The following CD8A variants were observed in gnomAD, a reference collection of about 807,000 sequenced individuals.
The protein encoded by CD8A is T-cell surface glycoprotein CD8 alpha chain.
Under a neutral mutation model 24.2 loss-of-function variants are expected in CD8A, and 25 were observed. The ratio of observed to expected loss-of-function variants is 1.03; its 90% CI spans 0.75 to 1.44. The LOEUF (loss-of-function observed/expected upper bound fraction) is 1.44, where lower values mean the gene tolerates loss of function less well. Among genes scored for constraint, CD8A ranks in the 40% most tolerant of loss-of-function variants. The pLI, the probability that CD8A is intolerant of heterozygous loss-of-function variation, is 0.00. For missense variants in CD8A, 360 were observed against 319.7 expected, an observed-to-expected ratio of 1.13 and a Z score of -0.96; for synonymous variants, 165 against 149.9, an observed-to-expected ratio of 1.10 and a Z score of -0.74.
Position 86,789,623 on chromosome 2 carries a change from GC to G in CD8A, c.514+16del. 1.4e-6 allele frequency: 2 copies of G among 1,473,192 alleles called. No homozygotes were observed. The highest frequency in any genetic ancestry group is 1.8e-6 in the Non-Finnish European group (2 of 1,105,696). 91.3% of individuals were successfully genotyped at this position (1,473,192 alleles called of 1,614,324 possible). On this transcript the variant is annotated intron_variant, in intron 3 of 5. Transcript: ENST00000283635. ...GCGGTGCGTGCCGCCCCCGCCCCGG[GC>G]CCCCGCACGCCTCACCTGCGCCCCC... is the stretch of plus-strand genomic sequence containing the variant.
At chr2:86,802,644 C>T (rs993248477) in intron 2 of CD8A, among the ~76,000 whole-genome samples, 5 of 151,832 alleles carry the variant, frequency 3.3e-5, no homozygotes, top group African/African-American at 9.7e-5. Context: ...CTCACTCTGC[C>T]GCCCAGGCTG....
intron 3 of CD8A, among the ~76,000 whole-genome samples, chr2:86,796,326 A>G (rs528555282): frequency 1.4e-3 from 219 of 152,358 alleles, no homozygotes; most frequent in Non-Finnish European, 2.6e-3. Context: ...AATTTTTCAC[A>G]ATTAAAGACA....
upstream of CD8A, chr2:86,790,930 C>T: frequency 9.0e-7 from 1 of 1,110,506 alleles, no homozygotes; most frequent in Non-Finnish European, 1.3e-6. Context: ...TTCGGCCGGC[C>T]CGGAGCCTGA....
intron 3 of CD8A, among the ~76,000 whole-genome samples, chr2:86,800,187 C>T (rs1014985938): frequency 4.6e-5 from 7 of 151,866 alleles, no homozygotes; most frequent in South Asian, 4.2e-4. Context: ...TGGCCAGGTG[C>T]GGTGGCTCAT....
chr2:86,791,428 G>A (rs919595479), upstream of CD8A: 1 of 436,214 alleles, frequency 2.3e-6, no homozygotes, highest in Non-Finnish European at 4.6e-6. Flanking sequence ...CATGAGAGCG[G>A]CAGCAGCCGA....
At chr2:86,790,931 C>G (rs987124060), upstream of CD8A, 26 of 1,103,862 alleles carry the variant, frequency 2.4e-5, no homozygotes, top group Non-Finnish European at 2.7e-5. Flanking sequence ...TCGGCCGGCC[C>G]GGAGCCTGAT....
chr2:86,798,638 T>C (rs1673562467), intron 3 of CD8A, among the ~76,000 whole-genome samples: 1 of 152,154 alleles, frequency 6.6e-6, no homozygotes, highest in African/African-American at 2.4e-5. Context: ...TTCTCCTGTC[T>C]CAGCCTCCTG....
intron 3 of CD8A, 56 bp downstream of exon 3, chr2:86,789,584 C>T: frequency 7.3e-7 from 1 of 1,369,284 alleles, no homozygotes; most frequent in Non-Finnish European, 1.0e-6. Context: ...CTGTCCCTGG[C>T]ATGGGCTCTC....
intron 3 of CD8A, among the ~76,000 whole-genome samples, chr2:86,798,140 A>G (rs1026668396): frequency 2.6e-5 from 4 of 151,360 alleles, no homozygotes; most frequent in Admixed American, 2.6e-4. Context: ...CTTTGTTGTG[A>G]AGTCTACCTT....
intron 2 of CD8A, among the ~76,000 whole-genome samples, chr2:86,802,563 C>T (rs767485363): frequency 7.9e-5 from 12 of 152,040 alleles, no homozygotes; most frequent in Non-Finnish European, 1.5e-4. Flanking sequence ...ACCTATTAAA[C>T]TTTTATGGAG....
In CD8A at chr2:86,789,424, C is replaced by G. The variant is rs866444313; in HGVS notation, c.524G>C (p.Arg175Thr). ...GATATCACAGGCGAAGTCCAGCCCCCTCGTGTGCACTGACGACACCAAAGA... is the reference window on the plus strand; with the variant it reads ...GATATCACAGGCGAAGTCCAGCCCCGTCGTGTGCACTGACGACACCAAAGA... Reference protein sequence around the residue: ...RPAAGGAVHTRGLDFACDIYI... With the variant: ...RPAAGGAVHTTGLDFACDIYI... The change falls in exon 4 of 6, where the codon AGG (arginine) becomes ACG (threonine). Residue 175 changes from arginine to threonine, a missense_variant. Physicochemically the swap from Arg to Thr is moderately conservative, Grantham distance 71 (BLOSUM62 -1). Coordinates refer to ENST00000283635, the MANE Select transcript of CD8A (RefSeq NM_001768.7). The G allele has an allele frequency of 1.3e-5, 21 of 1,612,712 alleles. No individual in the cohort carries two copies. The South Asian group carries it at 1.5e-4, about 12-fold the overall frequency.
chr2:86,787,898 A>AGAGAGAGTGTGTGTGTGTGTGTGTGT (rs369993109), intron 5 of CD8A, among the ~76,000 whole-genome samples: 40 of 144,596 alleles, frequency 2.8e-4, no homozygotes, highest in Admixed American at 6.9e-4. Flanking sequence ...AGAGAGAGAG[A>AGAGAGAGTGTGTGTGTGTGTGTGTGT]GTGTGTGTGT....
chr2:86,790,730 C>T (rs1384108140), intron 1 of CD8A, 47 bp downstream of exon 1: 10 of 1,515,550 alleles, frequency 6.6e-6, no homozygotes, highest in Non-Finnish European at 7.1e-6. Context: ...GCGCCCCCCG[C>T]CCCCCGCCCG....
Position 86,790,648 on chromosome 2 carries a change from G to A in CD8A, c.83C>T (p.Pro28Leu), listed in dbSNP as rs1240747782. Residue 28 changes from proline (P) to leucine (L), a missense_variant, in exon 2 of 6, where the codon CCG (proline) becomes CTG (leucine). By Grantham distance (98) the Pro-to-Leu change is moderately conservative (BLOSUM62 -3). Coordinates refer to ENST00000283635, the MANE Select transcript of CD8A (RefSeq NM_001768.7). The part of the protein sequence containing the change: ...AARPSQFRVS[P>L]LDRTWNLGET... Reference sequence around the variant, plus strand: ...GCCCAGGTTCCAGGTCCGATCCAGCGGCGACACCCGGAACTGGCTCGGCCT... The same window carrying A: ...GCCCAGGTTCCAGGTCCGATCCAGCAGCGACACCCGGAACTGGCTCGGCCT... The A allele has an allele frequency of 1.9e-6, 3 of 1,601,432 alleles. No homozygotes were observed. Among genetic ancestry groups the A allele is most frequent in the Non-Finnish European group, 2.5e-6 (3 of 1,178,978 alleles).
upstream of CD8A, among the ~76,000 whole-genome samples, chr2:86,792,314 T>A (rs1353118464): frequency 6.6e-6 from 1 of 152,140 alleles, no homozygotes; most frequent in African/African-American, 2.4e-5. Context: ...ACACCTGGCA[T>A]TCTGTGTTCC....
upstream of CD8A, among the ~76,000 whole-genome samples, chr2:86,794,862 C>T (rs1673430001): frequency 6.6e-6 from 1 of 152,186 alleles, no homozygotes; most frequent in Non-Finnish European, 1.5e-5. Context: ...TCTCTCATTT[C>T]TCAAGCGGAC....
intron 5 of CD8A, among the ~76,000 whole-genome samples, chr2:86,787,037 A>AG (rs1430239104): frequency 1.7e-4 from 24 of 139,454 alleles, no homozygotes; most frequent in South Asian, 8.8e-4. Context: ...AAAAAAAAAA[A>AG]AAAGAAAAGA....
Position 86,785,496 on chromosome 2 carries a change from A to AG in CD8A, c.*423dup. ...GGAAAGAGCCCTGAGCTGGGAGACA[A>AG]GGTCCCTCCAGCTACTGCTCCAACC... On this transcript the variant is annotated 3_prime_UTR_variant, in exon 6 of 6. Transcript: ENST00000283635. 1 of 460,130 alleles carries AG rather than the reference A, an allele frequency of 2.2e-6. No individual in the cohort carries two copies. Among genetic ancestry groups the AG allele is most frequent in the Non-Finnish European group, 4.3e-6 (1 of 231,040 alleles). 28.5% of individuals were successfully genotyped at this position (460,130 alleles called of 1,614,324 possible). A position where few individuals can be genotyped will look rare whatever the true frequency, so the allele number is the denominator to read the frequency against.
chr2:86,804,131 T>C (rs74623186), intron 2 of CD8A, among the ~76,000 whole-genome samples: 3,558 of 152,310 alleles, frequency 0.023, 129 homozygotes, highest in East Asian at 0.12. Flanking sequence ...ATAGTATCCA[T>C]TCTACTAAAT....
Sources: gnomAD v4.1 joint callset for allele counts (sites outside exome capture counted in the v4.1 genomes callset) on GRCh38, gnomAD v4.1.1 for gene constraint, MANE v1.5 for transcripts, NCBI Gene and HGNC (gene_info 2026-07-23, HGNC 2026-07-21) for gene names.